The following MEIS2 variants were observed in gnomAD, a reference collection of about 807,000 sequenced individuals.
The protein encoded by MEIS2 is homeobox protein Meis2.
Under a neutral mutation model 58.6 loss-of-function variants are expected in MEIS2, and 9 were observed. The observed-to-expected ratio is 0.15, with a 90% confidence interval of 0.09 to 0.27. MEIS2 has a LOEUF of 0.27. Among genes scored for constraint, MEIS2 ranks in the 10% least tolerant of loss-of-function variants. The pLI, the probability that MEIS2 is intolerant of heterozygous loss-of-function variation, is 1.00. For synonymous variants in MEIS2, 221 were observed against 228.4 expected, an observed-to-expected ratio of 0.97 and a Z score of 0.29; for missense variants, 427 against 635.0, an observed-to-expected ratio of 0.67 and a Z score of 3.52.
intron 7 of MEIS2, among the ~76,000 whole-genome samples, chr15:37,068,133 C>T (rs1890207180): frequency 6.6e-6 from 1 of 152,114 alleles, no homozygotes; most frequent in Admixed American, 6.6e-5. Context: ...AAATCAGTCA[C>T]CAGAGGTCAC....
chr15:36,950,256 G>T, intron 9 of MEIS2, 68 bp downstream of exon 9: 1 of 1,303,024 alleles, frequency 7.7e-7, no homozygotes. Context: ...AAAAAAAAGA[G>T]AGAAAACCAT....
chr15:37,005,848 T>C (rs368556270), intron 8 of MEIS2, among the ~76,000 whole-genome samples: 5 of 152,332 alleles, frequency 3.3e-5, no homozygotes, highest in East Asian at 3.9e-4. Context: ...TGTACGCCAC[T>C]GGGCCCATGA....
chr15:37,021,837 T>C (rs898184990), intron 8 of MEIS2, among the ~76,000 whole-genome samples: 1 of 152,216 alleles, frequency 6.6e-6, no homozygotes, highest in African/African-American at 2.4e-5. Flanking sequence ...GTTCTGTGCA[T>C]ATGTCCATAT....
intron 6 of MEIS2, among the ~76,000 whole-genome samples, chr15:37,085,243 A>G (rs1390185482): frequency 6.6e-6 from 1 of 152,220 alleles, no homozygotes; most frequent in Non-Finnish European, 1.5e-5. Flanking sequence ...TTGGTAAATA[A>G]GAATTCAGAC....
chr15:36,899,091 T>A (rs1312366717), intron 9 of MEIS2, among the ~76,000 whole-genome samples: 2 of 152,260 alleles, frequency 1.3e-5, no homozygotes, highest in East Asian at 3.8e-4. Flanking sequence ...GGGCACCATT[T>A]AGCCTCTCTG....
At chr15:36,946,740 G>A (rs1206885885) in intron 9 of MEIS2, among the ~76,000 whole-genome samples, 1 of 151,862 alleles carries the variant, frequency 6.6e-6, no homozygotes, top group Non-Finnish European at 1.5e-5. Flanking sequence ...AGATATATAT[G>A]ACCATTATCT....
chr15:36,915,198 G>GAAAAAAAAAAAAA (rs5811947), intron 9 of MEIS2, among the ~76,000 whole-genome samples: 1 of 145,934 alleles, frequency 6.9e-6, no homozygotes, highest in Non-Finnish European at 1.5e-5. Flanking sequence ...CAACTTCTGG[G>GAAAAAAAAAAAAA]AAAAAAAAAA....
intron 8 of MEIS2, among the ~76,000 whole-genome samples, chr15:37,000,571 T>C (rs926099476): frequency 2.6e-5 from 4 of 152,068 alleles, no homozygotes; most frequent in African/African-American, 9.7e-5. Flanking sequence ...CCTTTTTTTC[T>C]CCTCTTCGTA....
intron 7 of MEIS2, among the ~76,000 whole-genome samples, chr15:37,076,409 GC>G (rs1891423545): frequency 6.6e-6 from 1 of 151,962 alleles, no homozygotes; most frequent in South Asian, 2.1e-4. Flanking sequence ...GTACTGTTCA[GC>G]CAAAAATCAA....
chr15:37,095,703 G>A, intron 3 of MEIS2, 89 bp from the exon 4 acceptor site: 2 of 1,589,280 alleles, frequency 1.3e-6, no homozygotes. Flanking sequence ...GAGGGCAATG[G>A]CGGAGAAGAG....
intron 8 of MEIS2, among the ~76,000 whole-genome samples, chr15:36,954,562 G>C (rs2058887019): frequency 6.6e-6 from 1 of 150,988 alleles, no homozygotes; most frequent in African/African-American, 2.4e-5. Context: ...TTTATACAAT[G>C]AGATATTCTC....
chr15:36,958,422 G>A (rs1052405437), intron 8 of MEIS2, among the ~76,000 whole-genome samples: 2 of 152,090 alleles, frequency 1.3e-5, no homozygotes, highest in Non-Finnish European at 2.9e-5. Flanking sequence ...AGTACCTTAG[G>A]ATAAGGAGAA....
At position 36,970,362 on chromosome 15, in the gene MEIS2, C is replaced by T. The variant is rs934489732; in HGVS notation, c.901-19962G>A. On this transcript the variant is annotated intron_variant, in intron 8 of 11. Transcript: ENST00000561208. The stretch of plus-strand genomic sequence containing the variant: ...GAGCTTGCAGTGAGCCGAGATCGCG[C>T]CACTGCACTCCAGCCTGGGCGACAG... 2.1e-3 allele frequency among the ~76,000 whole-genome samples: 324 copies of T among 151,670 alleles called. 1 individual carries two copies. Among genetic ancestry groups the T allele is most frequent in the Non-Finnish European group, 3.0e-3 (201 of 67,928 alleles).
intron 6 of MEIS2, among the ~76,000 whole-genome samples, chr15:37,086,632 A>G (rs1892919350): frequency 6.6e-6 from 1 of 152,134 alleles, no homozygotes; most frequent in Non-Finnish European, 1.5e-5. Context: ...TTTATTTCCC[A>G]TAGAGTGTCT....
chr15:37,044,239 G>A (rs2062568072), intron 7 of MEIS2, among the ~76,000 whole-genome samples: 1 of 152,172 alleles, frequency 6.6e-6, no homozygotes, highest in Non-Finnish European at 1.5e-5. Context: ...AGAAGAAGAT[G>A]TGAAGGGTGA....
chr15:37,023,694 A>T (rs2141682992), intron 8 of MEIS2, among the ~76,000 whole-genome samples: 1 of 152,038 alleles, frequency 6.6e-6, no homozygotes, highest in East Asian at 1.9e-4. Flanking sequence ...TGATGTGGAG[A>T]GAGTCCATTC....
At chr15:36,940,339 C>T (rs780369956) in intron 9 of MEIS2, among the ~76,000 whole-genome samples, 6 of 152,074 alleles carry the variant, frequency 3.9e-5, no homozygotes, top group East Asian at 1.9e-4. Flanking sequence ...TCTCCATAAG[C>T]GCCATTTTCT....
At chr15:36,939,333 A>G (rs956030679) in intron 9 of MEIS2, among the ~76,000 whole-genome samples, 2 of 152,222 alleles carry the variant, frequency 1.3e-5, no homozygotes, top group Non-Finnish European at 2.9e-5. Flanking sequence ...CAGAAAAAAA[A>G]TCCCAAAGCA....
At chr15:36,989,457 G>A (rs2060197679) in intron 8 of MEIS2, among the ~76,000 whole-genome samples, 1 of 152,116 alleles carries the variant, frequency 6.6e-6, no homozygotes, top group South Asian at 2.1e-4. Flanking sequence ...TTGCCTTCAG[G>A]ACTTCTTCTT....
Sources: gnomAD v4.1 joint callset for allele counts (sites outside exome capture counted in the v4.1 genomes callset) on GRCh38, gnomAD v4.1.1 for gene constraint, MANE v1.5 for transcripts, NCBI Gene and HGNC (gene_info 2026-07-23, HGNC 2026-07-21) for gene names.